Variants in FRRS1 observed in about 807,000 individuals in gnomAD.
FRRS1 encodes the protein ferric reductase 1.
In FRRS1, 51 loss-of-function variants were observed where a neutral mutation model predicts 70.7. That is an observed-to-expected ratio of 0.72 (90% CI 0.58 to 0.91). The LOEUF (loss-of-function observed/expected upper bound fraction) is 0.91. FRRS1 is among the 40% of genes least tolerant of loss of function. FRRS1 has a pLI of 0.00. For synonymous variants in FRRS1, 225 were observed against 238.7 expected, an observed-to-expected ratio of 0.94 and a Z score of 0.53; for missense variants, 672 against 726.0, an observed-to-expected ratio of 0.93 and a Z score of 0.86.
chr1:99,744,484 A>G (rs1383143237), intron 4 of FRRS1, among the ~76,000 whole-genome samples: 2 of 152,122 alleles, frequency 1.3e-5, no homozygotes, highest in African/African-American at 4.8e-5. Flanking sequence ...GTGAAACCCC[A>G]TCTCTACTAA....
intron 10 of FRRS1, among the ~76,000 whole-genome samples, chr1:99,719,200 G>A (rs746328637): frequency 3.9e-5 from 6 of 152,058 alleles, no homozygotes; most frequent in Non-Finnish European, 8.8e-5. Flanking sequence ...CACGAGGTCA[G>A]GAAATCGAGA....
chr1:99,711,536 C>A (rs1358426970), intron 14 of FRRS1: 3 of 152,944 alleles, frequency 2.0e-5, no homozygotes, highest in Non-Finnish European at 4.4e-5. Flanking sequence ...TTTAAGTCTG[C>A]AATATATGAA....
At position 99,740,824 on chromosome 1, in the gene FRRS1, G is replaced by A. The variant is rs141386026; in HGVS notation, c.545C>T (p.Thr182Met). 28 of 1,612,396 alleles carry A rather than the reference G, an allele frequency of 1.7e-5. No homozygotes were observed. Among genetic ancestry groups the A allele is most frequent in the African/African-American group, 9.3e-5 (7 of 74,868 alleles). ...TPKATVVPLP[T>M]LPPVSHLTKP... Reference sequence around the variant, plus strand: ...GGTTAAGTGGGAAACGGGAGGTAACGTTGGCAAAGGTACTACTGTAGCTTT... The same window carrying A: ...GGTTAAGTGGGAAACGGGAGGTAACATTGGCAAAGGTACTACTGTAGCTTT... Residue 182 changes from threonine (T) to methionine (M), a missense_variant, in exon 6 of 17, where the codon ACG (threonine) becomes ATG (methionine). Coordinates refer to ENST00000646001, the MANE Select transcript of FRRS1 (RefSeq NM_001361041.2).
chr1:99,742,195 T>C lies in FRRS1; in HGVS notation c.412A>G (p.Asn138Asp). 2 of 1,605,958 alleles carry C rather than the reference T, an allele frequency of 1.2e-6. No homozygotes were observed. Among genetic ancestry groups the C allele is most frequent in the Non-Finnish European group, 1.7e-6 (2 of 1,172,588 alleles). The change falls in exon 5 of 17, where the codon AAT becomes GAT. Residue 138 changes from asparagine (N) to aspartate (D), a missense_variant. Physicochemically the swap from Asn to Asp is conservative, Grantham distance 23 (BLOSUM62 1). Coordinates refer to ENST00000646001, the MANE Select transcript of FRRS1 (RefSeq NM_001361041.2). Reference protein sequence around the residue: ...VYWNAPSSAPNHTQFLVTVVE... With the variant: ...VYWNAPSSAPDHTQFLVTVVE... ...TATACTCACAGAAACTGTGTGTGAT[T>C]TGGAGCACTGCTTGGAGCATTCCAG...
intron 5 of FRRS1, 114 bp downstream of exon 5, chr1:99,742,065 G>T: frequency 1.5e-6 from 1 of 668,462 alleles, no homozygotes; most frequent in Non-Finnish European, 2.7e-6. Context: ...ATGTTGCCCA[G>T]GCCAGTCTCA....
rs1488668379 is a variant in FRRS1, at chr1:99,735,759, T to C, written c.759+2327A>G. ...TATCTTGAATTAGAGAGAAATGCTT[T>C]TGTGCCATCAATGCCTACAATTTAG... is the stretch of plus-strand genomic sequence containing the variant. On this transcript the variant is annotated intron_variant, in intron 7 of 16. Transcript: ENST00000646001. 4.6e-5 allele frequency among the ~76,000 whole-genome samples: 7 copies of C among 152,226 alleles called. No homozygotes were observed. The East Asian group carries it at 1.3e-3, about 29-fold the overall frequency.
chr1:99,710,811 C>A lies in FRRS1; in HGVS notation c.1619G>T (p.Arg540Leu). Residue 540 changes from arginine to leucine, a missense_variant, in exon 15 of 17, where the codon CGC (arginine) becomes CTC (leucine). Coordinates refer to ENST00000646001, the MANE Select transcript of FRRS1 (RefSeq NM_001361041.2). ...VLEVHAYRLS[R>L]KVEILDDDRI... ...TGGCTTTTTTACCAGGTTACCTTTG[C>A]GAGAGAGCCGATAAGCATGTACCTC... 6.2e-7 allele frequency: 1 copy of A among 1,613,172 alleles called. No homozygotes were observed. Among genetic ancestry groups the A allele is most frequent in the Non-Finnish European group, 8.5e-7 (1 of 1,179,620 alleles).
intron 1 of FRRS1, among the ~76,000 whole-genome samples, chr1:99,760,323 A>G (rs1370994153): frequency 6.6e-6 from 1 of 152,166 alleles, no homozygotes; most frequent in Non-Finnish European, 1.5e-5. Context: ...TCAAACGTAA[A>G]ATATTTCAGA....
intron 1 of FRRS1, among the ~76,000 whole-genome samples, chr1:99,761,538 C>A (rs559019753): frequency 7.4e-4 from 113 of 152,280 alleles, no homozygotes; most frequent in East Asian, 1.3e-3. Context: ...CACAATAATT[C>A]TTTCCTTAAA....
At chr1:99,709,802 T>C (rs1316676971) in intron 15 of FRRS1, among the ~76,000 whole-genome samples, 2 of 152,010 alleles carry the variant, frequency 1.3e-5, no homozygotes, top group African/African-American at 4.8e-5. Context: ...ACCCTGTCTC[T>C]AAAAAAATTT....
chr1:99,728,266 A>G (rs1557691508), intron 9 of FRRS1, among the ~76,000 whole-genome samples: 1 of 152,128 alleles, frequency 6.6e-6, no homozygotes, highest in Non-Finnish European at 1.5e-5. Flanking sequence ...ATCAGAAGCC[A>G]TTTTTGTCTT....
At chr1:99,713,938 T>C (rs934135146) in intron 12 of FRRS1, among the ~76,000 whole-genome samples, 3 of 152,118 alleles carry the variant, frequency 2.0e-5, no homozygotes, top group Non-Finnish European at 1.5e-5. Flanking sequence ...TGGAAGCGTG[T>C]GCCAGGCAGA....
chr1:99,729,526 C>A, intron 8 of FRRS1, 124 bp downstream of exon 8: 1 of 580,252 alleles, frequency 1.7e-6, no homozygotes, highest in Non-Finnish European at 3.1e-6. Flanking sequence ...GCTGGCAGGC[C>A]CCTGCTCAGG....
In FRRS1 at chr1:99,749,122, G is replaced by A. The variant is rs376010196; in HGVS notation, c.-105-121C>T. ...ACAATCTCGGCTCACTGCAACCTCC[G>A]CCTCCCGGGTTCAAGTGATTCTCTT... On this transcript the variant is annotated intron_variant, in intron 1 of 16. Transcript: ENST00000646001. 221 of 178,886 alleles carry A rather than the reference G, an allele frequency of 1.2e-3. 2 individuals are homozygous for A. In the East Asian group the frequency reaches 0.017, roughly 14 times the overall value. 11.1% of individuals were successfully genotyped at this position (178,886 alleles called of 1,614,324 possible).
chr1:99,712,331 C>A (rs1654307269), intron 13 of FRRS1, 87 bp downstream of exon 13: 1 of 1,093,004 alleles, frequency 9.1e-7, no homozygotes, highest in Admixed American at 2.5e-5. Flanking sequence ...TTATAAAATG[C>A]AAAATTTTTC....
chr1:99,746,534 C>G (rs770631361), intron 4 of FRRS1, among the ~76,000 whole-genome samples: 1 of 152,168 alleles, frequency 6.6e-6, no homozygotes, highest in Admixed American at 6.5e-5. Context: ...GGTTTCAAGA[C>G]ATGAATCTTC....
At chr1:99,721,313 G>C (rs528385098) in intron 9 of FRRS1, among the ~76,000 whole-genome samples, 3 of 151,478 alleles carry the variant, frequency 2.0e-5, no homozygotes, top group Non-Finnish European at 4.4e-5. Flanking sequence ...CTTGAACCCA[G>C]GAGGCAGAGG....
intron 11 of FRRS1, among the ~76,000 whole-genome samples, chr1:99,717,076 C>A (rs1654566320): frequency 6.6e-6 from 1 of 152,176 alleles, no homozygotes; most frequent in South Asian, 2.1e-4. Context: ...CAGTACAGTG[C>A]AGTGGGTGAA....
In FRRS1 at chr1:99,708,618, AAAAAAAAATATATATATATATATATAT is replaced by A. The variant is rs1654115630; in HGVS notation, c.*383_*409del. The A allele has an allele frequency of 1.1e-5, 1 of 87,352 alleles. No homozygotes were observed. Among genetic ancestry groups the A allele is most frequent in the African/African-American group, 5.6e-5 (1 of 17,878 alleles). The allele number at this position is 87,352 out of a possible 1,614,324, so 5.4% of individuals were successfully genotyped here. A position where few individuals can be genotyped will look rare whatever the true frequency, so the allele number is the denominator to read the frequency against. On this transcript the variant is annotated 3_prime_UTR_variant, in exon 17 of 17. Coordinates refer to ENST00000646001, the MANE Select transcript of FRRS1 (RefSeq NM_001361041.2). ...GTCTCAAAAAAAAAAAAAAAAAAAA[AAAAAAAAATATATATATATATATATAT>A]ATATATATATATATATATCGTAATA... is the stretch of plus-strand genomic sequence containing the variant.
Sources: gnomAD v4.1 joint callset for allele counts (sites outside exome capture counted in the v4.1 genomes callset) on GRCh38, gnomAD v4.1.1 for gene constraint, MANE v1.5 for transcripts, NCBI Gene and HGNC (gene_info 2026-07-23, HGNC 2026-07-21) for gene names.